The following GPR139 variants were observed in gnomAD, a reference collection of about 807,000 sequenced individuals.
The protein encoded by GPR139 is probable G protein-coupled receptor 139.
GPR139 carries 12 observed loss-of-function variants against 25.8 expected under a neutral mutation model. The observed-to-expected ratio is 0.47, with a 90% CI of 0.30 to 0.75. The LOEUF (loss-of-function observed/expected upper bound fraction) is 0.75. Among genes scored for constraint, GPR139 ranks in the 30% least tolerant of loss-of-function variants. The pLI is 0.07. For missense variants in GPR139, 380 were observed against 450.2 expected (o/e 0.84, Z 1.41); for synonymous variants, 184 against 179.9 (o/e 1.02, Z -0.18).
At chr16:20,033,024 A>C (rs1364903269) in intron 1 of GPR139, among the ~76,000 whole-genome samples, 2 of 151,440 alleles carry the variant, frequency 1.3e-5, no homozygotes, top group East Asian at 3.9e-4. Context: ...CAACAATGAG[A>C]GGTGGTGCCA....
At chr16:20,053,804 A>G (rs998240861) in intron 1 of GPR139, among the ~76,000 whole-genome samples, 1 of 147,374 alleles carries the variant, frequency 6.8e-6, no homozygotes, top group Non-Finnish European at 1.5e-5. Context: ...TAGATGAAGA[A>G]TTCTAATTTC....
At chr16:20,044,118 C>T (rs2057346025) in intron 1 of GPR139, among the ~76,000 whole-genome samples, 1 of 152,130 alleles carries the variant, frequency 6.6e-6, no homozygotes, top group Admixed American at 6.5e-5. Context: ...CTGAAGAAAC[C>T]ACTCAATAAG....
At chr16:20,042,621 C>T (rs1183212212) in intron 1 of GPR139, among the ~76,000 whole-genome samples, 1 of 152,104 alleles carries the variant, frequency 6.6e-6, no homozygotes, top group Non-Finnish European at 1.5e-5. Flanking sequence ...CTGAAATAGC[C>T]TTTGTTCTCT....
intron 1 of GPR139, among the ~76,000 whole-genome samples, chr16:20,045,157 G>T (rs183041800): frequency 1.3e-5 from 2 of 151,866 alleles, no homozygotes; most frequent in Admixed American, 6.6e-5. Context: ...CTGCCACCAC[G>T]CTCAGCTAAT....
intron 1 of GPR139, among the ~76,000 whole-genome samples, chr16:20,041,651 G>A (rs565190487): frequency 3.9e-5 from 6 of 152,214 alleles, no homozygotes; most frequent in East Asian, 3.9e-4. Flanking sequence ...CAGGAGGTTC[G>A]GTGTTGAGTG....
chr16:20,042,520 T>G (rs1269507255), intron 1 of GPR139, among the ~76,000 whole-genome samples: 1 of 152,142 alleles, frequency 6.6e-6, no homozygotes, highest in Non-Finnish European at 1.5e-5. Context: ...TTTGTTTCTC[T>G]GCTTGGTGGA....
chr16:20,039,950 C>T (rs571576244), intron 1 of GPR139, among the ~76,000 whole-genome samples: 2 of 152,266 alleles, frequency 1.3e-5, no homozygotes, highest in South Asian at 4.1e-4. Flanking sequence ...TACTGCATGA[C>T]TTCTAAGGTT....
At chr16:20,062,482 T>C (rs144840192) in intron 1 of GPR139, among the ~76,000 whole-genome samples, 57 of 152,330 alleles carry the variant, frequency 3.7e-4, no homozygotes, top group African/African-American at 1.3e-3. Context: ...AAGCCACTAA[T>C]TTATAAAGCC....
intron 1 of GPR139, among the ~76,000 whole-genome samples, chr16:20,033,728 T>C (rs1417968475): frequency 6.6e-6 from 1 of 152,152 alleles, no homozygotes; most frequent in East Asian, 1.9e-4. Context: ...CAAGGAAAAG[T>C]ACATTTTCCT....
intron 1 of GPR139, among the ~76,000 whole-genome samples, chr16:20,071,894 G>A (rs1338521976): frequency 6.6e-6 from 1 of 152,152 alleles, no homozygotes; most frequent in African/African-American, 2.4e-5. Flanking sequence ...ATCTCACTCA[G>A]TAGAGGAGGT....
chr16:20,044,336 G>A (rs527528029), intron 1 of GPR139, among the ~76,000 whole-genome samples: 12 of 152,318 alleles, frequency 7.9e-5, no homozygotes, highest in African/African-American at 2.6e-4. Context: ...AGGTTTGTCA[G>A]GAGATGCCAC....
chr16:20,055,214 T>C (rs1039128847), intron 1 of GPR139, among the ~76,000 whole-genome samples: 3 of 152,222 alleles, frequency 2.0e-5, no homozygotes, highest in African/African-American at 7.2e-5. Flanking sequence ...TGGTTTTCTG[T>C]TCCTGTGTTA....
At chr16:20,052,707 G>A (rs1419302906) in intron 1 of GPR139, among the ~76,000 whole-genome samples, 6 of 150,242 alleles carry the variant, frequency 4.0e-5, no homozygotes, top group Non-Finnish European at 8.9e-5. Flanking sequence ...TGAGGCAGGA[G>A]AATGGCGTGA....
intron 1 of GPR139, among the ~76,000 whole-genome samples, chr16:20,065,670 C>A (rs576678476): frequency 6.6e-6 from 1 of 152,000 alleles, no homozygotes; most frequent in African/African-American, 2.4e-5. Context: ...CAGGAGTTTG[C>A]GAACTGCCTG....
At chr16:20,057,981 A>G (rs1328109562) in intron 1 of GPR139, among the ~76,000 whole-genome samples, 1 of 152,206 alleles carries the variant, frequency 6.6e-6, no homozygotes, top group African/African-American at 2.4e-5. Context: ...CCTGGCACAA[A>G]GTAGGGCCTC....
intron 1 of GPR139, among the ~76,000 whole-genome samples, chr16:20,053,020 A>G (rs1010419404): frequency 6.6e-6 from 1 of 151,876 alleles, no homozygotes; most frequent in Non-Finnish European, 1.5e-5. Flanking sequence ...CTCTCCCTCA[A>G]GTGTTTTATA....
intron 1 of GPR139, among the ~76,000 whole-genome samples, chr16:20,068,613 T>C (rs1180080704): frequency 6.6e-6 from 1 of 152,190 alleles, no homozygotes; most frequent in African/African-American, 2.4e-5. Flanking sequence ...TTTTCTTGCC[T>C]TATTGCACTG....
At chr16:20,063,633 G>C (rs1287681613) in intron 1 of GPR139, among the ~76,000 whole-genome samples, 2 of 152,350 alleles carry the variant, frequency 1.3e-5, no homozygotes, top group East Asian at 3.9e-4. Flanking sequence ...CAATGCTACA[G>C]ACTTGTACCA....
chr16:20,044,134 A>G (rs1165339214), intron 1 of GPR139, among the ~76,000 whole-genome samples: 1 of 152,222 alleles, frequency 6.6e-6, no homozygotes, highest in East Asian at 1.9e-4. Flanking sequence ...ATAAGCAGTC[A>G]TGTTATTAAG....
Sources: gnomAD v4.1 joint callset for allele counts (sites outside exome capture counted in the v4.1 genomes callset) on GRCh38, gnomAD v4.1.1 for gene constraint, MANE v1.5 for transcripts, NCBI Gene and HGNC (gene_info 2026-07-23, HGNC 2026-07-21) for gene names.